Variants in COL1A2 observed in about 807,000 individuals in gnomAD.
COL1A2 encodes collagen type I alpha 2 chain.
COL1A2 carries 49 observed loss-of-function variants against 174.3 expected under a neutral mutation model. That is an observed-to-expected ratio of 0.28 (90% CI 0.22 to 0.36). COL1A2 has a LOEUF of 0.36. COL1A2 is among the 10% of genes least tolerant of loss of function. The pLI, the probability that COL1A2 is intolerant of heterozygous loss-of-function variation, is 1.00. For synonymous variants in COL1A2, 655 were observed against 606.6 expected (o/e 1.08, Z -1.17); for missense variants, 1,438 against 1,822.7 (o/e 0.79, Z 3.84).
intron 39 of COL1A2, 113 bp from the exon 40 acceptor site, chr7:94,422,844 T>G: frequency 8.0e-7 from 1 of 1,253,566 alleles, no homozygotes; most frequent in Non-Finnish European, 1.2e-6. Context: ...ATGGCCAGGG[T>G]ATTATTTTAT....
At chr7:94,402,536 A>G (rs528931743) in intron 6 of COL1A2, among the ~76,000 whole-genome samples, 1 of 152,174 alleles carries the variant, frequency 6.6e-6, no homozygotes, top group Non-Finnish European at 1.5e-5. Context: ...GATGATGACT[A>G]TTAACAAATG....
chr7:94,425,234 A>G lies in COL1A2; in HGVS notation c.2781+10A>G, dbSNP rs760431398. The G allele has an allele frequency of 8.7e-6, 14 of 1,609,848 alleles. No individual in the cohort carries two copies. The highest frequency in any genetic ancestry group is 2.2e-5 in the East Asian group (1 of 44,846). On this transcript the variant is annotated intron_variant, in intron 42 of 51. Coordinates refer to ENST00000297268, the MANE Select transcript of COL1A2 (RefSeq NM_000089.4). ...TGAAGCTGGTCGTGATGTGAGTCCA[A>G]CACTTGGTTTGTAAAATAAAACTGA...
Position 94,394,895 on chromosome 7 carries a change from A to C in COL1A2, c.-137A>C. The stretch of plus-strand genomic sequence containing the variant: ...GGGCAGATCCGGGCTTTATTATTTT[A>C]GCACCACGGCAGCAGGAGGTTTCGG... On this transcript the variant is annotated 5_prime_UTR_variant, in exon 1 of 52. Coordinates refer to ENST00000297268, the MANE Select transcript of COL1A2 (RefSeq NM_000089.4). The C allele has an allele frequency of 1.3e-6, 1 of 749,684 alleles. No homozygotes were observed. Among genetic ancestry groups the C allele is most frequent in the South Asian group, 1.4e-5 (1 of 71,736 alleles). The allele number at this position is 749,684 out of a possible 1,614,324, so 46.4% of individuals were successfully genotyped here.
At position 94,413,706 on chromosome 7, in the gene COL1A2, A is replaced by G. The variant is rs1369684255; in HGVS notation, c.1574A>G (p.Asp525Gly). The G allele has an allele frequency of 6.2e-7, 1 of 1,614,078 alleles. No homozygotes were observed. Among genetic ancestry groups the G allele is most frequent in the Non-Finnish European group, 8.5e-7 (1 of 1,180,044 alleles). ...LAGARGAPGP[D>G]GNNGAQGPPG... ...TATTTTTAGGGTGCTCCAGGTCCTG[A>G]TGGAAACAATGGTGCTCAGGGACCT... The change falls in exon 27 of 52, where the codon GAT becomes GGT. Residue 525 changes from aspartate to glycine, a missense_variant. Around this residue, in one of 3 missense-constraint regions of COL1A2, gnomAD observed 867 missense variants for 1,213.7 expected, o/e 0.71. Coordinates refer to ENST00000297268, the MANE Select transcript of COL1A2 (RefSeq NM_000089.4).
rs1289686179 is a variant in COL1A2 at position 94,429,383 on chromosome 7, G to A, written c.3907G>A (p.Glu1303Lys). Residue 1303 changes from glutamate (E) to lysine (K), a missense_variant, in exon 51 of 52, where the codon GAG becomes AAG. Physicochemically the swap from Glu to Lys is moderately conservative, Grantham distance 56. Around this residue, in one of 3 missense-constraint regions of COL1A2, gnomAD observed 290 missense variants for 298.1 expected, o/e 0.97. Transcript: ENST00000297268. ...QGSNDVELVA[E>K]GNSRFTYTVL... ...CTCTAATGATGTTGAACTTGTTGCT[G>A]AGGGCAACAGCAGGTTCACTTACAC... is the stretch of plus-strand genomic sequence containing the variant. The A allele has an allele frequency of 6.2e-7, 1 of 1,613,532 alleles. No homozygotes were observed. Among genetic ancestry groups the A allele is most frequent in the East Asian group, 2.2e-5 (1 of 44,882 alleles).
At position 94,409,502 on chromosome 7, in the gene COL1A2, G is replaced by A. The variant is rs1791873001; in HGVS notation, c.892-62G>A. On this transcript the variant is annotated intron_variant, in intron 17 of 51. Transcript: ENST00000297268. ...GGGGAAGAAGAAGAATGAAGATGGG[G>A]TCAAAGAAGAACCGAAATATTCCAA... 3.7e-6 allele frequency: 6 copies of A among 1,611,888 alleles called. No homozygotes were observed. The Admixed American group carries it at 1.0e-4, about 27-fold the overall frequency.
At chr7:94,398,863 T>C (rs988884713) in intron 3 of COL1A2, among the ~76,000 whole-genome samples, 186 bp from the exon 4 acceptor site, 1 of 152,096 alleles carries the variant, frequency 6.6e-6, no homozygotes, top group African/African-American at 2.4e-5. Flanking sequence ...TGAAAAAAAA[T>C]TACGTATAAT....
chr7:94,397,754 A>G lies in COL1A2; in HGVS notation c.77A>G (p.Gln26Arg), dbSNP rs1313865970. 3.8e-6 allele frequency: 5 copies of G among 1,318,674 alleles called. No individual in the cohort carries two copies. Among genetic ancestry groups the G allele is most frequent in the Non-Finnish European group, 3.3e-6 (3 of 922,416 alleles). 81.7% of individuals were successfully genotyped at this position (1,318,674 alleles called of 1,614,324 possible). A position where few individuals can be genotyped will look rare whatever the true frequency, so the allele number is the denominator to read the frequency against. Reference sequence around the variant, plus strand: ...TTCTTTTTTTTTTCTACAGCTTTACAAGAGGTGAGTAAAACTTTTTTTAGA... The same window carrying G: ...TTCTTTTTTTTTTCTACAGCTTTACGAGAGGTGAGTAAAACTTTTTTTAGA... ...TLCLATCQSLQEETVRKGPAG... is the reference protein window; with the variant it reads ...TLCLATCQSLREETVRKGPAG... The change falls in exon 2 of 52, where the codon CAA becomes CGA. Residue 26 changes from glutamine (Q) to arginine (R), a missense_variant. Transcript: ENST00000297268.
chr7:94,422,647 C>A, intron 39 of COL1A2: 1 of 303,114 alleles, frequency 3.3e-6, no homozygotes, highest in Non-Finnish European at 6.2e-6. Flanking sequence ...TTATCATTAA[C>A]TCCTATCATT....
chr7:94,423,239 A>T, intron 40 of COL1A2, 121 bp downstream of exon 40: 1 of 1,207,046 alleles, frequency 8.3e-7, no homozygotes, highest in Non-Finnish European at 1.2e-6. Context: ...AGTAGAGCTC[A>T]GTTGAGCCAG....
intron 40 of COL1A2, chr7:94,423,435 C>T (rs964656047): frequency 5.1e-6 from 2 of 389,936 alleles, no homozygotes; most frequent in Admixed American, 7.4e-5. Flanking sequence ...ACATATTAAT[C>T]AATCTCAGTA....
At chr7:94,425,965 A>C (rs1181497361) in intron 44 of COL1A2, 33 bp from the exon 45 acceptor site, 16 of 1,612,918 alleles carry the variant, frequency 9.9e-6, no homozygotes, top group Non-Finnish European at 1.3e-5. Flanking sequence ...TCTTGGGCCT[A>C]GCTAAGTTGT....
chr7:94,422,137 G>T, intron 39 of COL1A2, 185 bp downstream of exon 39: 3 of 490,914 alleles, frequency 6.1e-6, no homozygotes, highest in South Asian at 3.7e-5. Context: ...TATAATATCA[G>T]TTTAAGAGGC....
chr7:94,429,910 C>A, intron 51 of COL1A2: 1 of 340,944 alleles, frequency 2.9e-6, no homozygotes, highest in South Asian at 3.9e-5. Flanking sequence ...AGACTACATA[C>A]CCACCCAGGT....
At chr7:94,410,993 G>T in intron 22 of COL1A2, 51 bp downstream of exon 22, 1 of 1,610,388 alleles carries the variant, frequency 6.2e-7, no homozygotes, top group Non-Finnish European at 8.5e-7. Flanking sequence ...GCTTCTGGTG[G>T]TGGGTGTGTC....
chr7:94,404,580 C>G lies in COL1A2; in HGVS notation c.304C>G (p.Pro102Ala). The G allele has an allele frequency of 1.2e-6, 2 of 1,613,768 alleles. No homozygotes were observed. The highest frequency in any genetic ancestry group is 1.7e-6 in the Non-Finnish European group (2 of 1,179,972). ...PMGLMGPRGPPGAAGAPGPQG... is the reference protein window; with the variant it reads ...PMGLMGPRGPAGAAGAPGPQG... The stretch of plus-strand genomic sequence containing the variant: ...GGGCTTAATGGGACCTAGAGGCCCA[C>G]CTGGTGCAGCTGGAGCCCCAGTAAG... The change falls in exon 7 of 52, where the codon CCT becomes GCT. Residue 102 changes from proline to alanine, a missense_variant. This residue lies in a region of COL1A2 where 281 missense variants were observed against 310.9 expected (regional missense o/e 0.90). Transcript: ENST00000297268.
chr7:94,417,534 A>G (rs1792066676), intron 31 of COL1A2, 190 bp from the exon 32 acceptor site: 1 of 608,616 alleles, frequency 1.6e-6, no homozygotes, highest in Non-Finnish European at 3.0e-6. Flanking sequence ...TCATCTCTTC[A>G]GTCACCATGT....
Position 94,417,650 on chromosome 7 carries a change from GA to G in COL1A2, c.1864-72del, listed in dbSNP as rs41317171. On this transcript the variant is annotated intron_variant, in intron 31 of 51. Coordinates refer to ENST00000297268, the MANE Select transcript of COL1A2 (RefSeq NM_000089.4). ...CCTGTCTAGCTAGCTGTTTAAATTGGAATTCTTCTAGAGTTTGATTCTTCAT... is the reference window on the plus strand; with the variant it reads ...CCTGTCTAGCTAGCTGTTTAAATTGGATTCTTCTAGAGTTTGATTCTTCAT... 3,060 of 1,302,094 alleles carry G rather than the reference GA, an allele frequency of 2.4e-3. 50 individuals are homozygous for G. The African/African-American group carries it at 0.038, about 16-fold the overall frequency. 80.7% of individuals were successfully genotyped at this position (1,302,094 alleles called of 1,614,324 possible).
intron 33 of COL1A2, among the ~76,000 whole-genome samples, chr7:94,418,915 G>A (rs1269111362): frequency 3.3e-5 from 5 of 151,424 alleles, no homozygotes; most frequent in African/African-American, 2.4e-5. Flanking sequence ...TTAGGAAGCC[G>A]GGACCTCTAA....
Sources: gnomAD v4.1 joint callset for allele counts (sites outside exome capture counted in the v4.1 genomes callset) on GRCh38, gnomAD v4.1.1 for gene constraint, gnomAD v4.1.1 regional missense constraint, MANE v1.5 for transcripts, NCBI Gene and HGNC (gene_info 2026-07-23, HGNC 2026-07-21) for gene names.